The following PCCA variants were observed in gnomAD, a reference collection of about 807,000 sequenced individuals.
PCCA encodes the protein propionyl-CoA carboxylase alpha chain, mitochondrial.
PCCA carries 74 observed loss-of-function variants against 101.3 expected under a neutral mutation model. The ratio of observed to expected loss-of-function variants is 0.73; its 90% confidence interval spans 0.61 to 0.89. The LOEUF (loss-of-function observed/expected upper bound fraction) is 0.89, where lower values mean the gene tolerates loss of function less well. Ranked by LOEUF, PCCA falls within the 40% of genes least tolerant of loss-of-function variation. PCCA has a pLI of 0.00. For missense variants in PCCA, 891 were observed against 907.0 expected, an observed-to-expected ratio of 0.98 and a Z score of 0.23; for synonymous variants, 294 against 313.6, an observed-to-expected ratio of 0.94 and a Z score of 0.66.
Position 100,333,332 on chromosome 13 carries a change from G to T in PCCA, c.1540+2661G>T, listed in dbSNP as rs936620763. Among the ~76,000 whole-genome samples the T allele has an allele frequency of 2.0e-5, 3 of 152,300 alleles. No individual in the cohort carries two copies. The South Asian group carries it at 6.2e-4, about 32-fold the overall frequency. On this transcript the variant is annotated intron_variant, in intron 17 of 23. Transcript: ENST00000376285. ...CATATGTTTGGGGCCAGGTCATTTT[G>T]CCCCTTTGGGGTTTCCCATCTGCTT...
chr13:100,143,537 C>CAA (rs1308856198), intron 4 of PCCA, among the ~76,000 whole-genome samples: 1 of 60,350 alleles, frequency 1.7e-5, no homozygotes, highest in Non-Finnish European at 3.8e-5. Context: ...TCTGCATCCA[C>CAA]AAAAAAAAAA....
intron 21 of PCCA, among the ~76,000 whole-genome samples, chr13:100,472,173 T>C (rs2083071121): frequency 6.6e-6 from 1 of 152,160 alleles, no homozygotes; most frequent in Admixed American, 6.5e-5. Context: ...CGTGGGCCCT[T>C]AGTCTGAGCC....
chr13:100,458,441 A>G (rs1163989973), intron 21 of PCCA, among the ~76,000 whole-genome samples: 451 of 3,594 alleles, frequency 0.13, 23 homozygotes, highest in East Asian at 0.47. Context: ...ACACACACAT[A>G]CACACACACA....
intron 6 of PCCA, 52 bp downstream of exon 6, chr13:100,157,392 T>TGG: frequency 8.4e-7 from 1 of 1,194,616 alleles, no homozygotes; most frequent in Non-Finnish European, 1.3e-6. Flanking sequence ...GAAAGCAGTG[T>TGG]GGTAGCATGG....
At chr13:100,420,645 T>G (rs576666006) in intron 19 of PCCA, among the ~76,000 whole-genome samples, 1 of 152,224 alleles carries the variant, frequency 6.6e-6, no homozygotes, top group East Asian at 1.9e-4. Context: ...CACAGAATTA[T>G]AGATGTAGCA....
chr13:100,293,006 T>A (rs941611690), intron 12 of PCCA, among the ~76,000 whole-genome samples: 2 of 151,740 alleles, frequency 1.3e-5, no homozygotes, highest in African/African-American at 4.8e-5. Context: ...CTAGGTTTTT[T>A]TTTAGATTTA....
intron 8 of PCCA, among the ~76,000 whole-genome samples, chr13:100,255,033 C>G (rs1453906044): frequency 6.6e-6 from 1 of 152,024 alleles, no homozygotes; most frequent in Non-Finnish European, 1.5e-5. Context: ...CTGCAGTGAG[C>G]CAAGATCACA....
intron 6 of PCCA, among the ~76,000 whole-genome samples, chr13:100,203,831 A>T (rs549017815): frequency 5.9e-5 from 9 of 152,232 alleles, no homozygotes; most frequent in Non-Finnish European, 1.3e-4. Context: ...TTCAAACACG[A>T]GTAGAGATAG....
chr13:100,204,819 G>T (rs2058755268), intron 6 of PCCA, among the ~76,000 whole-genome samples: 1 of 152,036 alleles, frequency 6.6e-6, no homozygotes, highest in Non-Finnish European at 1.5e-5. Context: ...TTGCTGTGTT[G>T]CCCATGCTGA....
At chr13:100,240,933 C>CATAT (rs33954772) in intron 8 of PCCA, among the ~76,000 whole-genome samples, 3 of 151,702 alleles carry the variant, frequency 2.0e-5, no homozygotes, top group Non-Finnish European at 2.9e-5. Flanking sequence ...TTGACATATG[C>CATAT]ATATATATAT....
intron 8 of PCCA, among the ~76,000 whole-genome samples, chr13:100,253,912 C>T (rs1362532940): frequency 6.7e-6 from 1 of 149,868 alleles, no homozygotes; most frequent in African/African-American, 2.5e-5. Flanking sequence ...CCTCCTTTTA[C>T]GAGTAGAATT....
At chr13:100,274,689 G>A (rs2063523010) in intron 12 of PCCA, among the ~76,000 whole-genome samples, 1 of 152,046 alleles carries the variant, frequency 6.6e-6, no homozygotes, top group African/African-American at 2.4e-5. Context: ...GTGCATCTCT[G>A]TGCCCAGGGT....
chr13:100,405,826 A>G (rs1430269409), intron 19 of PCCA, among the ~76,000 whole-genome samples: 2 of 138,224 alleles, frequency 1.4e-5, no homozygotes, highest in African/African-American at 5.4e-5. Flanking sequence ...GCAGGAGTGC[A>G]GTAAATCTCG....
rs370457739 is a variant in PCCA, at chr13:100,471,872, G to A, written c.1899+22567G>A. ...GAGAAGGGGACACTGGGGCCCACCC[G>A]GAGCTCTGTGGGCCTTGTCTCTTGT... On this transcript the variant is annotated intron_variant, in intron 21 of 23. Coordinates refer to ENST00000376285, the MANE Select transcript of PCCA (RefSeq NM_000282.4). 1.6e-4 allele frequency among the ~76,000 whole-genome samples: 25 copies of A among 152,236 alleles called. No individual in the cohort carries two copies. In the South Asian group the frequency reaches 3.1e-3, roughly 19 times the overall value.
chr13:100,258,233 T>C (rs989921263), intron 9 of PCCA, among the ~76,000 whole-genome samples: 4 of 152,338 alleles, frequency 2.6e-5, no homozygotes, highest in African/African-American at 9.6e-5. Context: ...TATGGCCCAA[T>C]CTCAGAAGTT....
chr13:100,464,768 A>C (rs1019173070), intron 21 of PCCA, among the ~76,000 whole-genome samples: 1 of 152,226 alleles, frequency 6.6e-6, no homozygotes, highest in Non-Finnish European at 1.5e-5. Context: ...CTTGCGAATC[A>C]CCAACACCAA....
intron 21 of PCCA, among the ~76,000 whole-genome samples, chr13:100,502,018 C>T (rs998483458): frequency 3.9e-5 from 6 of 152,126 alleles, no homozygotes; most frequent in Admixed American, 6.5e-5. Context: ...CTTATGCTGT[C>T]TTGGTGGAGA....
intron 21 of PCCA, among the ~76,000 whole-genome samples, chr13:100,469,223 A>AAAAAAAAAAAAAAAAG (rs2082783277): frequency 6.6e-6 from 1 of 150,582 alleles, no homozygotes; most frequent in East Asian, 1.9e-4. Flanking sequence ...AAAAAAAAAA[A>AAAAAAAAAAAAAAAAG]AAAAGAATCC....
At chr13:100,121,561 G>A (rs764915457) in intron 4 of PCCA, among the ~76,000 whole-genome samples, 21 of 149,396 alleles carry the variant, frequency 1.4e-4, no homozygotes, top group South Asian at 4.3e-4. Flanking sequence ...TGTAACCTCC[G>A]CCTCCCAGGT....
Sources: allele counts gnomAD v4.1 joint callset (sites outside exome capture counted in the v4.1 genomes callset), GRCh38; gene constraint gnomAD v4.1.1; transcripts MANE v1.5; gene names NCBI Gene and HGNC (gene_info 2026-07-23, HGNC 2026-07-21).